Variants in LRRC74A observed in about 807,000 individuals in gnomAD.
LRRC74A encodes the protein leucine-rich repeat-containing protein 74A.
LRRC74A carries 44 observed loss-of-function variants against 57.9 expected under a neutral mutation model. The observed-to-expected ratio is 0.76, with a 90% confidence interval of 0.60 to 0.98. LRRC74A has a LOEUF of 0.98. Among genes scored for constraint, LRRC74A ranks in the 50% least tolerant of loss-of-function variants. The pLI, the probability that LRRC74A is intolerant of heterozygous loss-of-function variation, is 0.00. For synonymous variants in LRRC74A, 211 were observed against 219.4 expected, an observed-to-expected ratio of 0.96 and a Z score of 0.34; for missense variants, 572 against 574.0, an observed-to-expected ratio of 1.00 and a Z score of 0.04.
At chr14:76,853,557 C>T in intron 9 of LRRC74A, 147 bp downstream of exon 9, 1 of 785,978 alleles carries the variant, frequency 1.3e-6, no homozygotes, top group Admixed American at 3.1e-5. Flanking sequence ...TTTTTACCAT[C>T]TCTTGACTGT....
intron 11 of LRRC74A, among the ~76,000 whole-genome samples, chr14:76,861,554 A>G (rs1898308110): frequency 6.6e-6 from 1 of 152,160 alleles, no homozygotes; most frequent in Non-Finnish European, 1.5e-5. Flanking sequence ...AAAGAGAAAC[A>G]CTCGAGTCCT....
At chr14:76,868,891 C>T (rs1299517779) in intron 13 of LRRC74A, among the ~76,000 whole-genome samples, 1 of 152,256 alleles carries the variant, frequency 6.6e-6, no homozygotes, top group African/African-American at 2.4e-5. Context: ...GAGGAGATAA[C>T]CGCGGCACCT....
chr14:76,832,584 A>G (rs1464612308), intron 3 of LRRC74A, among the ~76,000 whole-genome samples: 1 of 152,238 alleles, frequency 6.6e-6, no homozygotes, highest in Non-Finnish European at 1.5e-5. Context: ...CTGGGATTAC[A>G]GGCATAAGCC....
rs535396657 is a variant in LRRC74A, at chr14:76,866,915, GGTGT to G, written c.1309-434_1309-431del. Among the ~76,000 whole-genome samples the G allele has an allele frequency of 1.2e-3, 162 of 139,406 alleles. 1 individual carries two copies. Among genetic ancestry groups the G allele is most frequent in the Non-Finnish European group, 2.3e-3 (146 of 64,328 alleles). 91.5% of individuals were successfully genotyped at this position (139,406 alleles called of 152,430 possible). On this transcript the variant is annotated intron_variant, in intron 12 of 13. Coordinates refer to ENST00000689127, the MANE Select transcript of LRRC74A (RefSeq NM_001385106.1). ...GTCCCAAGAGTGAGGCATTGTGTGGGGTGTGTGTGTTGGGGGGGGTGGTAGGTGT... is the reference window on the plus strand; with the variant it reads ...GTCCCAAGAGTGAGGCATTGTGTGGGGTGTGTTGGGGGGGGTGGTAGGTGT...
intron 11 of LRRC74A, among the ~76,000 whole-genome samples, chr14:76,862,910 G>A (rs1245079396): frequency 2.6e-5 from 4 of 152,290 alleles, no homozygotes; most frequent in South Asian, 2.1e-4. Context: ...TGATTCCATC[G>A]GGAACAGGGG....
chr14:76,841,310 G>A (rs531871535), intron 5 of LRRC74A, among the ~76,000 whole-genome samples: 4 of 152,362 alleles, frequency 2.6e-5, no homozygotes, highest in African/African-American at 9.6e-5. Flanking sequence ...CCAGAGTGCT[G>A]GGATTACAGG....
intron 8 of LRRC74A, among the ~76,000 whole-genome samples, chr14:76,852,975 C>T (rs1897615285): frequency 6.6e-6 from 1 of 152,048 alleles, no homozygotes; most frequent in South Asian, 2.1e-4. Flanking sequence ...TCTTTGGATA[C>T]ACTTCAAGAG....
At chr14:76,838,317 C>T (rs1018061384) in intron 5 of LRRC74A, among the ~76,000 whole-genome samples, 1 of 152,100 alleles carries the variant, frequency 6.6e-6, no homozygotes, top group Non-Finnish European at 1.5e-5. Flanking sequence ...AAAATAAAAT[C>T]ATAAAAGAAC....
intron 7 of LRRC74A, among the ~76,000 whole-genome samples, chr14:76,849,947 G>A (rs1897331274): frequency 1.3e-5 from 2 of 151,980 alleles, no homozygotes; most frequent in South Asian, 2.1e-4. Flanking sequence ...GGTGGCTCAC[G>A]CCTGTAATCC....
At chr14:76,854,299 G>C (rs1293162057) in intron 9 of LRRC74A, among the ~76,000 whole-genome samples, 1 of 152,168 alleles carries the variant, frequency 6.6e-6, no homozygotes, top group East Asian at 1.9e-4. Flanking sequence ...AAATGTGAAA[G>C]CTTCATCAGA....
At chr14:76,856,385 T>C (rs1897874618) in intron 9 of LRRC74A, among the ~76,000 whole-genome samples, 1 of 152,238 alleles carries the variant, frequency 6.6e-6, no homozygotes, top group African/African-American at 2.4e-5. Flanking sequence ...CTTGTTTGCC[T>C]GTCTCCCCCA....
intron 13 of LRRC74A, among the ~76,000 whole-genome samples, chr14:76,869,235 C>A (rs1899227936): frequency 6.6e-6 from 1 of 152,178 alleles, no homozygotes; most frequent in Non-Finnish European, 1.5e-5. Flanking sequence ...CCAGCAAAGT[C>A]CCCAGGTTTG....
Position 76,857,565 on chromosome 14 carries a change from C to G in LRRC74A, c.1053+90C>G, listed in dbSNP as rs867425064. The G allele has an allele frequency of 3.4e-6, 3 of 891,216 alleles. No individual in the cohort carries two copies. In the Middle Eastern group the frequency reaches 6.7e-4, roughly 200 times the overall value. The allele number at this position is 891,216 out of a possible 1,614,324, so 55.2% of individuals were successfully genotyped here. On this transcript the variant is annotated intron_variant, in intron 10 of 13. Coordinates refer to ENST00000689127, the MANE Select transcript of LRRC74A (RefSeq NM_001385106.1). ...TCTGTGTTGGCCAGAGCCAACAGCT[C>G]TATCCCTCACAGGCCCTCACACAAG...
intron 3 of LRRC74A, among the ~76,000 whole-genome samples, chr14:76,835,165 G>A (rs957552257): frequency 5.9e-5 from 9 of 152,128 alleles, no homozygotes; most frequent in Admixed American, 1.3e-4. Flanking sequence ...GCTGCAATGC[G>A]AATCCTTTCC....
At position 76,870,277 on chromosome 14, in the gene LRRC74A, CAAAT is replaced by C; in HGVS notation, c.*132_*135del. The C allele has an allele frequency of 1.2e-5, 13 of 1,062,484 alleles. No individual in the cohort carries two copies. Among genetic ancestry groups the C allele is most frequent in the Non-Finnish European group, 1.8e-5 (13 of 714,138 alleles). The allele number at this position is 1,062,484 out of a possible 1,614,324, so 65.8% of individuals were successfully genotyped here. ...TGCTGTGGCAGGGGCTGGGCACAAG[CAAAT>C]AAAGTCTGGCTTGGTTCTGGGTGTC... On this transcript the variant is annotated 3_prime_UTR_variant, in exon 14 of 14. Transcript: ENST00000689127.
chr14:76,840,915 T>C (rs1896722712), intron 5 of LRRC74A, among the ~76,000 whole-genome samples: 3 of 152,106 alleles, frequency 2.0e-5, no homozygotes, highest in Admixed American at 2.0e-4. Flanking sequence ...CACTGCATTG[T>C]CTTAATATTT....
rs768308734 is a variant in LRRC74A, at chr14:76,836,302, C to T, written c.435C>T (p.Tyr145=). 3.9e-5 allele frequency: 62 copies of T among 1,608,840 alleles called. No individual in the cohort carries two copies. The highest frequency in any genetic ancestry group is 4.9e-5 in the Non-Finnish European group (58 of 1,175,824). ...SLVEMLQENY[Y]LQEMNISNNH... is the part of the protein sequence containing the mutation. ...TGGAGATGCTACAAGAGAACTACTA[C>T]CTCCAGGAGATGGTACTGTGCCCCC... Residue 145 remains tyrosine (Y), a synonymous_variant, in exon 4 of 14, where the codon TAC becomes TAT. Coordinates refer to ENST00000689127, the MANE Select transcript of LRRC74A (RefSeq NM_001385106.1).
At chr14:76,836,405 C>A in intron 4 of LRRC74A, 91 bp downstream of exon 4, 1 of 929,270 alleles carries the variant, frequency 1.1e-6, no homozygotes. Flanking sequence ...AGGACCCAGG[C>A]TGCCTCCAGG....
chr14:76,840,728 C>A (rs144064522), intron 5 of LRRC74A, among the ~76,000 whole-genome samples: 7,791 of 151,710 alleles, frequency 0.051, 401 homozygotes, highest in African/African-American at 0.13. Context: ...GGACTACAGG[C>A]GCCCGCCACC....
Sources: allele counts gnomAD v4.1 joint callset (sites outside exome capture counted in the v4.1 genomes callset), GRCh38; gene constraint gnomAD v4.1.1; transcripts MANE v1.5; gene names NCBI Gene and HGNC (gene_info 2026-07-23, HGNC 2026-07-21).